Variants in C1orf21 observed in about 807,000 individuals in gnomAD.
The protein encoded by C1orf21 is chromosome 1 open reading frame 21, also known as uncharacterized protein C1orf21.
In C1orf21, 3 loss-of-function variants were observed where a neutral mutation model predicts 18.7. The observed-to-expected ratio is 0.16, with a 90% CI of 0.07 to 0.42. C1orf21 has a LOEUF of 0.42. C1orf21 is among the 10% of genes least tolerant of loss of function. The probability of loss-of-function intolerance (pLI) is 0.99; values close to 1 mark genes in which losing one functional copy is unlikely to be tolerated. For missense variants in C1orf21, 104 were observed against 143.6 expected (o/e 0.72, Z 1.41); for synonymous variants, 41 against 46.4 (o/e 0.88, Z 0.47).
At chr1:184,611,061 G>C (rs1444099430) in intron 5 of C1orf21, among the ~76,000 whole-genome samples, 1 of 152,112 alleles carries the variant, frequency 6.6e-6, no homozygotes, top group Non-Finnish European at 1.5e-5. Context: ...GTCAGAGGCT[G>C]TCACACTCCA....
chr1:184,553,089 C>G (rs2101982520), intron 3 of C1orf21, among the ~76,000 whole-genome samples: 1 of 152,138 alleles, frequency 6.6e-6, no homozygotes, highest in African/African-American at 2.4e-5. Flanking sequence ...CTACAGGGCC[C>G]TCAAGTCTAA....
chr1:184,526,701 G>A (rs967011412), intron 3 of C1orf21, among the ~76,000 whole-genome samples: 2 of 152,076 alleles, frequency 1.3e-5, no homozygotes, highest in South Asian at 2.1e-4. Context: ...AACACTTACC[G>A]GTAGCCTATT....
At chr1:184,596,168 A>G (rs1659510492) in intron 4 of C1orf21, among the ~76,000 whole-genome samples, 1 of 152,164 alleles carries the variant, frequency 6.6e-6, no homozygotes, top group Admixed American at 6.5e-5. Context: ...GTGTATGAGT[A>G]CTGACCAAAC....
chr1:184,493,159 A>G (rs973497460), intron 2 of C1orf21, among the ~76,000 whole-genome samples: 21 of 152,230 alleles, frequency 1.4e-4, no homozygotes, highest in African/African-American at 4.8e-4. Context: ...ATGGTCTTTG[A>G]CAGTTTTTTA....
chr1:184,541,395 T>C (rs1658648171), intron 3 of C1orf21, among the ~76,000 whole-genome samples: 3 of 152,172 alleles, frequency 2.0e-5, no homozygotes, highest in Admixed American at 1.3e-4. Flanking sequence ...TTGTCATCAT[T>C]AGAAGAACCA....
chr1:184,477,446 A>G lies in C1orf21; in HGVS notation c.-64A>G, dbSNP rs1301280184. Reference sequence around the variant, plus strand: ...ATTTTCTTTGTGTTTAAAGAAAAAAAATGTCCCTGTGTCTGTAGAGATGAT... The same window carrying G: ...ATTTTCTTTGTGTTTAAAGAAAAAAGATGTCCCTGTGTCTGTAGAGATGAT... On this transcript the variant is annotated 5_prime_UTR_variant, in exon 2 of 6. Coordinates refer to ENST00000235307, the MANE Select transcript of C1orf21 (RefSeq NM_030806.4). The G allele has an allele frequency of 2.2e-6, 3 of 1,382,742 alleles. No homozygotes were observed. Among genetic ancestry groups the G allele is most frequent in the African/African-American group, 2.9e-5 (2 of 68,786 alleles). The allele number at this position is 1,382,742 out of a possible 1,614,324, so 85.7% of individuals were successfully genotyped here.
chr1:184,490,216 T>C (rs953396590), intron 2 of C1orf21, among the ~76,000 whole-genome samples: 1 of 152,216 alleles, frequency 6.6e-6, no homozygotes, highest in Non-Finnish European at 1.5e-5. Context: ...ATGAATTAGG[T>C]GCTGTGCTAG....
intron 3 of C1orf21, among the ~76,000 whole-genome samples, chr1:184,576,178 G>A (rs1659187188): frequency 6.6e-6 from 1 of 151,584 alleles, no homozygotes; most frequent in Admixed American, 6.6e-5. Flanking sequence ...AGGCTGGAGT[G>A]CAGTAGTACA....
chr1:184,474,525 A>C (rs896451131), intron 1 of C1orf21, among the ~76,000 whole-genome samples: 1 of 152,234 alleles, frequency 6.6e-6, no homozygotes, highest in Admixed American at 6.5e-5. Context: ...CTTTTAAAAC[A>C]CAGAAGAAAT....
chr1:184,610,181 A>G (rs989550380), intron 5 of C1orf21, among the ~76,000 whole-genome samples: 2 of 152,272 alleles, frequency 1.3e-5, no homozygotes, highest in African/African-American at 4.8e-5. Context: ...AAATGAAAGA[A>G]GACTATTTTG....
At chr1:184,465,655 G>A (rs1449478030) in intron 1 of C1orf21, among the ~76,000 whole-genome samples, 1 of 152,154 alleles carries the variant, frequency 6.6e-6, no homozygotes, top group African/African-American at 2.4e-5. Flanking sequence ...CTGTACCTTT[G>A]TCGTATGCAG....
At chr1:184,560,894 T>C (rs1300433355) in intron 3 of C1orf21, among the ~76,000 whole-genome samples, 1 of 152,236 alleles carries the variant, frequency 6.6e-6, no homozygotes, top group Non-Finnish European at 1.5e-5. Context: ...CCTGTTTTAA[T>C]GAATCAATAG....
intron 1 of C1orf21, among the ~76,000 whole-genome samples, chr1:184,444,740 G>GA (rs563404412): frequency 2.2e-4 from 34 of 151,940 alleles, no homozygotes; most frequent in Non-Finnish European, 4.3e-4. Flanking sequence ...TGAGTAAAAT[G>GA]AAAAAAGTGC....
rs1240077051 is a variant in C1orf21, at chr1:184,387,335, C to G, written c.-158C>G. ...GAGGACAGGGGCGGGGGGCGGGAGGCTTGCCACCTTCAGCCCCCCCGCGAA... is the reference window on the plus strand; with the variant it reads ...GAGGACAGGGGCGGGGGGCGGGAGGGTTGCCACCTTCAGCCCCCCCGCGAA... On this transcript the variant is annotated 5_prime_UTR_variant, in exon 1 of 6. Coordinates refer to ENST00000235307, the MANE Select transcript of C1orf21 (RefSeq NM_030806.4). The surrounding 1 kb of genome is among the most constrained non-coding windows in gnomAD (Gnocchi z 5.6). The G allele has an allele frequency of 6.6e-6, 1 of 152,472 alleles. No homozygotes were observed. Among genetic ancestry groups the G allele is most frequent in the Non-Finnish European group, 1.5e-5 (1 of 68,444 alleles). The allele number at this position is 152,472 out of a possible 1,614,324, so 9.4% of individuals were successfully genotyped here. A position where few individuals can be genotyped will look rare whatever the true frequency, so the allele number is the denominator to read the frequency against.
chr1:184,524,639 T>TA (rs1267956812), intron 3 of C1orf21, among the ~76,000 whole-genome samples: 1 of 152,164 alleles, frequency 6.6e-6, no homozygotes, highest in Non-Finnish European at 1.5e-5. Flanking sequence ...GGGTTTTTTT[T>TA]AATGACTTTG....
intron 2 of C1orf21, among the ~76,000 whole-genome samples, chr1:184,479,840 C>A (rs1036802436): frequency 2.0e-5 from 3 of 151,918 alleles, no homozygotes; most frequent in African/African-American, 7.3e-5. Flanking sequence ...CCAGGCTGAT[C>A]TAAAACTCCT....
chr1:184,614,433 A>G (rs1345354456), intron 5 of C1orf21, among the ~76,000 whole-genome samples: 3 of 152,212 alleles, frequency 2.0e-5, no homozygotes, highest in Non-Finnish European at 2.9e-5. Context: ...GGCTGAATGC[A>G]TACATGTCTA....
chr1:184,477,106 G>T (rs572391710), intron 1 of C1orf21, among the ~76,000 whole-genome samples: 4 of 152,060 alleles, frequency 2.6e-5, no homozygotes. Flanking sequence ...GCCCAAATAC[G>T]TATTTGAATA....
intron 3 of C1orf21, among the ~76,000 whole-genome samples, chr1:184,568,196 C>T (rs1211015603): frequency 6.6e-6 from 1 of 152,322 alleles, no homozygotes; most frequent in African/African-American, 2.4e-5. Context: ...ACCACATACA[C>T]ACACAAAAAA....
Sources: allele counts gnomAD v4.1 joint callset (sites outside exome capture counted in the v4.1 genomes callset), GRCh38; gene constraint gnomAD v4.1.1; non-coding constraint Gnocchi (gnomAD v3.1); transcripts MANE v1.5; gene names NCBI Gene and HGNC (gene_info 2026-07-23, HGNC 2026-07-21).